ZKSCAN4: variants seen among roughly 807,000 people sequenced by gnomAD.
ZKSCAN4 encodes zinc finger with KRAB and SCAN domains 4.
ZKSCAN4 carries 23 observed loss-of-function variants against 30.8 expected under a neutral mutation model. The observed-to-expected ratio is 0.75, with a 90% confidence interval of 0.54 to 1.06. ZKSCAN4 has a LOEUF of 1.06. ZKSCAN4 is among the 50% of genes least tolerant of loss of function. The pLI is 0.00. For missense variants in ZKSCAN4, 556 were observed against 665.4 expected (o/e 0.84, Z 1.81); for synonymous variants, 208 against 252.5 (o/e 0.82, Z 1.67).
At chr6:28,248,036 G>T in intron 3 of ZKSCAN4, 31 bp downstream of exon 3, 1 of 1,563,184 alleles carries the variant, frequency 6.4e-7, no homozygotes, top group South Asian at 1.1e-5. Context: ...AAGGTATGGG[G>T]CGCTGGGGAG....
chr6:28,244,764 C>G lies in ZKSCAN4; in HGVS notation c.*352G>C, dbSNP rs1340576862. On this transcript the variant is annotated 3_prime_UTR_variant, in exon 5 of 5. Transcript: ENST00000377294. Reference sequence around the variant, plus strand: ...ATTCATTAGAGGCAAAATGAATGGTCAGAGCAGCAGCCCCCCACATCAGAG... The same window carrying G: ...ATTCATTAGAGGCAAAATGAATGGTGAGAGCAGCAGCCCCCCACATCAGAG... 2 of 333,100 alleles carry G rather than the reference C, an allele frequency of 6.0e-6. No homozygotes were observed. The highest frequency in any genetic ancestry group is 1.1e-5 in the Non-Finnish European group (2 of 174,668). 20.6% of individuals were successfully genotyped at this position (333,100 alleles called of 1,614,324 possible). A position where few individuals can be genotyped will look rare whatever the true frequency, so the allele number is the denominator to read the frequency against.
the ZKSCAN4 span, among the ~76,000 whole-genome samples, chr6:28,258,218 G>A: frequency 6.6e-6 from 1 of 152,200 alleles, no homozygotes; most frequent in Non-Finnish European, 1.5e-5. Flanking sequence ...TGACCTGGCT[G>A]TCAAACAACT....
upstream of ZKSCAN4, among the ~76,000 whole-genome samples, chr6:28,253,811 T>G (rs571693321): frequency 6.6e-6 from 1 of 152,250 alleles, no homozygotes; most frequent in African/African-American, 2.4e-5. The surrounding 1 kb of genome is among the most constrained non-coding windows in gnomAD (Gnocchi z 4.2). Flanking sequence ...GTTCAAGTGA[T>G]TCTAGTGCCT....
At chr6:28,247,122 C>A in intron 3 of ZKSCAN4, 30 bp from the exon 4 acceptor site, 1 of 1,545,094 alleles carries the variant, frequency 6.5e-7, no homozygotes, top group Non-Finnish European at 8.7e-7. Context: ...TAACTAGCTC[C>A]TCTTGCCCAA....
chr6:28,253,897 C>T (rs888492540), upstream of ZKSCAN4, among the ~76,000 whole-genome samples: 2 of 152,114 alleles, frequency 1.3e-5, no homozygotes, highest in Non-Finnish European at 2.9e-5. The surrounding 1 kb of genome is among the most constrained non-coding windows in gnomAD (Gnocchi z 4.2). Flanking sequence ...AGTGATCTGC[C>T]CACCTCAGCC....
upstream of ZKSCAN4, among the ~76,000 whole-genome samples, chr6:28,253,767 G>A (rs551557117): frequency 1.6e-3 from 239 of 152,246 alleles, 1 homozygote; most frequent in African/African-American, 5.4e-3. The surrounding 1 kb of genome is among the most constrained non-coding windows in gnomAD (Gnocchi z 4.2). Context: ...GTGCAGTGGC[G>A]CAATCTTGGC....
chr6:28,250,795 C>A (rs1289746602), intron 1 of ZKSCAN4, among the ~76,000 whole-genome samples: 3 of 152,192 alleles, frequency 2.0e-5, no homozygotes, highest in Non-Finnish European at 4.4e-5. Flanking sequence ...AAGAGATTTG[C>A]AATGACTTCC....
chr6:28,257,076 C>T (rs1339747783), upstream of ZKSCAN4, among the ~76,000 whole-genome samples: 1 of 152,080 alleles, frequency 6.6e-6, no homozygotes, highest in Non-Finnish European at 1.5e-5. Flanking sequence ...TCATTCTTCC[C>T]ATTAGAAAAT....
rs1383525258 is a variant in ZKSCAN4 at position 28,251,545 on chromosome 6, C to T, written c.423+13G>A. The T allele has an allele frequency of 2.5e-6, 4 of 1,614,176 alleles. No individual in the cohort carries two copies. Among genetic ancestry groups the T allele is most frequent in the South Asian group, 1.1e-5 (1 of 91,084 alleles). On this transcript the variant is annotated intron_variant, in intron 1 of 4. Transcript: ENST00000377294. The surrounding 1 kb of genome is among the most constrained non-coding windows in gnomAD (Gnocchi z 4.5). ...AGACCACAGCGCTCAGATACTAAAC[C>T]TGTTCTTTCTACCTGCGGCGCCGGC...
chr6:28,248,032 T>A (rs766621577), intron 3 of ZKSCAN4, 35 bp downstream of exon 3: 212 of 1,540,766 alleles, frequency 1.4e-4, no homozygotes, highest in Non-Finnish European at 1.7e-4. Context: ...GTGAAAGGTA[T>A]GGGGCGCTGG....
At position 28,245,835 on chromosome 6, in the gene ZKSCAN4, A is replaced by G. The variant is rs1271349088; in HGVS notation, c.919T>C (p.Leu307=). ...ATGGCATTTTTCTGCTTTCTTTGTA[A>G]CCTGCCCTCCTGTTCACCAGCTTCT... ...HAEAGEQEGR[L]QRKQKNAIGS... The change falls in exon 5 of 5, where the codon TTA becomes CTA. Residue 307 remains leucine, a synonymous_variant. Transcript: ENST00000377294. 1.2e-6 allele frequency: 2 copies of G among 1,613,994 alleles called. No homozygotes were observed. Among genetic ancestry groups the G allele is most frequent in the Middle Eastern group, 1.6e-4 (1 of 6,084 alleles).
In ZKSCAN4 at chr6:28,248,094, T is replaced by G. The variant is rs772071304; in HGVS notation, c.627A>C (p.Val209=). ...GGGACCCTGGAGTGAGCCTGGAAGCTACCATTGCATCTTCTCTGCAGCACC... is the reference window on the plus strand; with the variant it reads ...GGGACCCTGGAGTGAGCCTGGAAGCGACCATTGCATCTTCTCTGCAGCACC... The part of the protein sequence containing the change: ...QGGCCREDAM[V]ASRLTPGSQG... The change falls in exon 3 of 5, where the codon GTA becomes GTC. Residue 209 remains valine (V), a synonymous_variant. Coordinates refer to ENST00000377294, the MANE Select transcript of ZKSCAN4 (RefSeq NM_019110.5). 6.2e-7 allele frequency: 1 copy of G among 1,613,448 alleles called. No homozygotes were observed. Among genetic ancestry groups the G allele is most frequent in the African/African-American group, 1.3e-5 (1 of 74,920 alleles).
rs200912974 is a variant in ZKSCAN4 at position 28,245,747 on chromosome 6, G to C, written c.1007C>G (p.Thr336Ser). 1.2e-6 allele frequency: 2 copies of C among 1,614,108 alleles called. No homozygotes were observed. The highest frequency in any genetic ancestry group is 1.7e-5 in the Admixed American group (1 of 60,006). ...GKSFAQSSGL[T>S]KHRRIHTGEK... is the part of the protein sequence containing the mutation. Reference sequence around the variant, plus strand: ...ACCAGTGTGGATTCTCCTGTGTTTAGTCAGGCCTGAACTTTGAGCAAAACT... The same window carrying C: ...ACCAGTGTGGATTCTCCTGTGTTTACTCAGGCCTGAACTTTGAGCAAAACT... The change falls in exon 5 of 5, where the codon ACT becomes AGT. Residue 336 changes from threonine to serine, a missense_variant. This residue lies in a region of ZKSCAN4 where 433 missense variants were observed against 511.5 expected (regional missense o/e 0.85). Coordinates refer to ENST00000377294, the MANE Select transcript of ZKSCAN4 (RefSeq NM_019110.5).
At chr6:28,255,913 A>G (rs1173863441), upstream of ZKSCAN4, among the ~76,000 whole-genome samples, 8 of 152,168 alleles carry the variant, frequency 5.3e-5, no homozygotes, top group East Asian at 1.2e-3. Flanking sequence ...TCAGAATAGG[A>G]TTAAGGAGAC....
Position 28,245,681 on chromosome 6 carries a change from A to G in ZKSCAN4, c.1073T>C (p.Ile358Thr), listed in dbSNP as rs780006212. Residue 358 changes from isoleucine (I) to threonine (T), a missense_variant, in exon 5 of 5, where the codon ATT (isoleucine) becomes ACT (threonine). By Grantham distance (89) the Ile-to-Thr change is moderately conservative (BLOSUM62 -1). Transcript: ENST00000377294. ...ATGAATGACAAGGGCAGAGCTCCCA[A>G]TGAAGGTCTTTCCACAGTCTTCACA... ...YECEDCGKTF[I>T]GSSALVIHQR... 39 of 1,613,564 alleles carry G rather than the reference A, an allele frequency of 2.4e-5. No homozygotes were observed. Among genetic ancestry groups the G allele is most frequent in the Non-Finnish European group, 3.0e-5 (35 of 1,179,830 alleles).
At position 28,242,192 on chromosome 6, in the gene ZKSCAN4, C is replaced by T. The variant is rs1344445595; in HGVS notation, c.*2924G>A. The stretch of plus-strand genomic sequence containing the variant: ...ATATGAAAAGTGGCATTTTATTGTG[C>T]TTTATATACTGCTTATATCTCAACT... On this transcript the variant is annotated 3_prime_UTR_variant, in exon 5 of 5. Transcript: ENST00000377294. Among the ~76,000 whole-genome samples the T allele has an allele frequency of 7.2e-5, 11 of 152,080 alleles. No individual in the cohort carries two copies. Among genetic ancestry groups the T allele is most frequent in the Admixed American group, 6.6e-4 (10 of 15,264 alleles).
At chr6:28,247,523 T>C in intron 3 of ZKSCAN4, among the ~76,000 whole-genome samples, 1 of 152,130 alleles carries the variant, frequency 6.6e-6, no homozygotes, top group Non-Finnish European at 1.5e-5. Flanking sequence ...CCTCAAACAC[T>C]GAGATCTTCA....
intron 4 of ZKSCAN4, among the ~76,000 whole-genome samples, chr6:28,246,234 G>C (rs1367563245): frequency 6.6e-6 from 1 of 152,056 alleles, no homozygotes; most frequent in Admixed American, 6.6e-5. Context: ...ACTATGCAGG[G>C]GACATATGTG....
intron 1 of ZKSCAN4, among the ~76,000 whole-genome samples, chr6:28,250,424 T>C (rs1561861507): frequency 1.3e-5 from 2 of 152,182 alleles, no homozygotes; most frequent in Non-Finnish European, 2.9e-5. Flanking sequence ...TAAGTGGAAA[T>C]GCTAGGATGG....
Sources: allele counts gnomAD v4.1 joint callset (sites outside exome capture counted in the v4.1 genomes callset), GRCh38; gene constraint gnomAD v4.1.1; regional missense constraint gnomAD v4.1.1; non-coding constraint Gnocchi (gnomAD v3.1); transcripts MANE v1.5; gene names NCBI Gene and HGNC (gene_info 2026-07-23, HGNC 2026-07-21).